Variants in WWOX observed in about 807,000 individuals in gnomAD.
WWOX encodes WW domain containing oxidoreductase, also known as WW domain-containing oxidoreductase.
Under a neutral mutation model 46.2 loss-of-function variants are expected in WWOX, and 69 were observed. The ratio of observed to expected loss-of-function variants is 1.49; its 90% CI spans 1.23 to 1.82. The LOEUF (loss-of-function observed/expected upper bound fraction) is 1.82. Among genes scored for constraint, WWOX ranks in the 40% most tolerant of loss-of-function variants. The probability of loss-of-function intolerance (pLI) is 0.00; values close to 1 mark genes in which losing one functional copy is unlikely to be tolerated. For synonymous variants in WWOX, 359 were observed against 202.6 expected (o/e 1.77, Z -6.56); for missense variants, 919 against 542.6 (o/e 1.69, Z -6.89).
chr16:78,109,705 C>G, intron 2 of WWOX, 73 bp from the exon 3 acceptor site: 2 of 1,542,580 alleles, frequency 1.3e-6, no homozygotes, highest in African/African-American at 1.4e-5. Flanking sequence ...TGGGAGGGCT[C>G]CTTCCCTTCC....
At chr16:78,688,367 T>A (rs2047909119) in intron 8 of WWOX, among the ~76,000 whole-genome samples, 1 of 132,966 alleles carries the variant, frequency 7.5e-6, no homozygotes, top group Non-Finnish European at 1.6e-5. Flanking sequence ...TATCAGTTAC[T>A]TTAAAAAAAA....
rs561102701 is a variant in WWOX, at chr16:78,343,286, T to C, written c.517-43574T>C. On this transcript the variant is annotated intron_variant, in intron 5 of 8. Coordinates refer to ENST00000566780, the MANE Select transcript of WWOX (RefSeq NM_016373.4). ...CCTGTCACCCATGATGCTGTGCTGA[T>C]TGAGCAAACTAATCCATAACCCACC... Among the ~76,000 whole-genome samples, 2 of 120,508 alleles carry C rather than the reference T, an allele frequency of 1.7e-5. 1 individual carries two copies. 79.1% of individuals were successfully genotyped at this position (120,508 alleles called of 152,430 possible).
intron 8 of WWOX, among the ~76,000 whole-genome samples, chr16:79,061,869 G>T (rs2048362983): frequency 6.6e-6 from 1 of 152,172 alleles, no homozygotes; most frequent in Non-Finnish European, 1.5e-5. Context: ...GCCTTACTTG[G>T]TAGACACTAT....
chr16:78,289,159 A>G (rs1341966601), intron 5 of WWOX, among the ~76,000 whole-genome samples: 6 of 152,190 alleles, frequency 3.9e-5, no homozygotes, highest in African/African-American at 1.4e-4. Flanking sequence ...TGGTGCTGGC[A>G]GCGTCACTAT....
intron 8 of WWOX, among the ~76,000 whole-genome samples, chr16:78,574,048 TTTCCTTG>T (rs1360380187): frequency 2.6e-5 from 4 of 152,190 alleles, no homozygotes; most frequent in Non-Finnish European, 5.9e-5. Context: ...GCAGACTTTA[TTTCCTTG>T]TAGCTTTTTG....
At chr16:79,132,368 C>G (rs1247669689) in intron 8 of WWOX, among the ~76,000 whole-genome samples, 3 of 152,124 alleles carry the variant, frequency 2.0e-5, no homozygotes, top group Non-Finnish European at 2.9e-5. Flanking sequence ...GGATTTTGCT[C>G]AAGAATAGTT....
At chr16:78,358,194 G>T (rs904730748) in intron 5 of WWOX, among the ~76,000 whole-genome samples, 1 of 151,958 alleles carries the variant, frequency 6.6e-6, no homozygotes, top group Non-Finnish European at 1.5e-5. Context: ...TTCTCCTATC[G>T]AAAGATAACC....
At chr16:78,722,349 A>G (rs143558490) in intron 8 of WWOX, among the ~76,000 whole-genome samples, 3 of 152,192 alleles carry the variant, frequency 2.0e-5, no homozygotes, top group Non-Finnish European at 4.4e-5. Context: ...CATCTGTAAA[A>G]TGGAGATCGC....
intron 8 of WWOX, among the ~76,000 whole-genome samples, chr16:79,150,922 C>G (rs1036685624): frequency 1.3e-5 from 2 of 152,194 alleles, no homozygotes; most frequent in African/African-American, 4.8e-5. Flanking sequence ...ATTCTGCTGT[C>G]ACTGGTGTAG....
chr16:79,149,888 G>T (rs989460331), intron 8 of WWOX, among the ~76,000 whole-genome samples: 8 of 152,092 alleles, frequency 5.3e-5, no homozygotes, highest in African/African-American at 1.7e-4. Context: ...CAGATAAGAG[G>T]GTTCAGATCC....
At chr16:78,185,379 TC>T (rs1211656033) in intron 5 of WWOX, among the ~76,000 whole-genome samples, 1 of 152,206 alleles carries the variant, frequency 6.6e-6, no homozygotes, top group Non-Finnish European at 1.5e-5. Flanking sequence ...CTGTCTTCAT[TC>T]GAAGATGATC....
At chr16:78,865,692 C>T (rs980277920) in intron 8 of WWOX, among the ~76,000 whole-genome samples, 9 of 152,002 alleles carry the variant, frequency 5.9e-5, no homozygotes, top group Admixed American at 3.3e-4. Context: ...CCAGCCTGGC[C>T]AACATGGTGA....
intron 8 of WWOX, among the ~76,000 whole-genome samples, chr16:78,732,338 C>T (rs1406834195): frequency 6.6e-6 from 1 of 152,090 alleles, no homozygotes; most frequent in Admixed American, 6.6e-5. Flanking sequence ...TGAGGAAACT[C>T]AATCTAGCGT....
At chr16:78,725,105 T>C (rs1354020042) in intron 8 of WWOX, among the ~76,000 whole-genome samples, 1 of 152,000 alleles carries the variant, frequency 6.6e-6, no homozygotes, top group East Asian at 1.9e-4. Flanking sequence ...CCCCATACTG[T>C]TCTTGGGGTA....
chr16:78,584,964 G>T (rs182953442), intron 8 of WWOX, among the ~76,000 whole-genome samples: 121 of 152,344 alleles, frequency 7.9e-4, no homozygotes, highest in Non-Finnish European at 1.2e-3. Flanking sequence ...CAACAACTGA[G>T]GTGCCTGAGG....
chr16:78,861,526 G>A (rs1037036897), intron 8 of WWOX, among the ~76,000 whole-genome samples: 22 of 152,106 alleles, frequency 1.4e-4, no homozygotes, highest in African/African-American at 4.3e-4. Context: ...CAAAGTAAAT[G>A]CAAGACATTA....
At chr16:78,245,587 A>G (rs2151823587) in intron 5 of WWOX, among the ~76,000 whole-genome samples, 1 of 152,318 alleles carries the variant, frequency 6.6e-6, no homozygotes, top group African/African-American at 2.4e-5. Context: ...TAGATGGGCC[A>G]AATAACCAGC....
chr16:78,796,926 A>G (rs766329516), intron 8 of WWOX, among the ~76,000 whole-genome samples: 1 of 151,558 alleles, frequency 6.6e-6, no homozygotes, highest in Non-Finnish European at 1.5e-5. Context: ...GCTAAGATCA[A>G]CTGATTCTCC....
chr16:79,194,669 T>C (rs1247091693), intron 8 of WWOX, among the ~76,000 whole-genome samples: 3 of 152,324 alleles, frequency 2.0e-5, no homozygotes, highest in South Asian at 2.1e-4. Context: ...TCACTGCCTT[T>C]CTGTTCTACA....
Sources: gnomAD v4.1 joint callset for allele counts (sites outside exome capture counted in the v4.1 genomes callset) on GRCh38, gnomAD v4.1.1 for gene constraint, MANE v1.5 for transcripts, NCBI Gene and HGNC (gene_info 2026-07-23, HGNC 2026-07-21) for gene names.